MAD1L1: variants seen among roughly 807,000 people sequenced by gnomAD.
MAD1L1 encodes the protein mitotic arrest deficient 1 like 1.
MAD1L1 carries 95 observed loss-of-function variants against 96.9 expected under a neutral mutation model. That is an observed-to-expected ratio of 0.98 (90% CI 0.83 to 1.16). The LOEUF is 1.16. MAD1L1 is among the 50% of genes most tolerant of loss of function. MAD1L1 has a pLI of 0.00. For missense variants in MAD1L1, 1,007 were observed against 954.4 expected (o/e 1.06, Z -0.73); for synonymous variants, 473 against 396.6 (o/e 1.19, Z -2.29).
In MAD1L1 at chr7:2,029,438, T is replaced by C. The variant is rs1355961123; in HGVS notation, c.1219-14796A>G. On this transcript the variant is annotated intron_variant, in intron 12 of 18. Coordinates refer to ENST00000265854, the MANE Select transcript of MAD1L1 (RefSeq NM_001013836.2). ...AGCCGGCAGGTGAACTTGGGAGCCC[T>C]GGTGACACCGTGTTCCCGACCGTGG... 5.3e-5 allele frequency among the ~76,000 whole-genome samples: 8 copies of C among 152,292 alleles called. No individual in the cohort carries two copies. The East Asian group carries it at 1.5e-3, about 29-fold the overall frequency.
intron 11 of MAD1L1, among the ~76,000 whole-genome samples, chr7:2,098,055 A>G (rs1786585249): frequency 6.6e-6 from 1 of 152,170 alleles, no homozygotes; most frequent in Non-Finnish European, 1.5e-5. Context: ...GGAATCACTC[A>G]TGCGGCGGCT....
intron 17 of MAD1L1, among the ~76,000 whole-genome samples, chr7:1,934,941 C>T (rs68124157): frequency 0.038 from 5,666 of 148,658 alleles, 211 homozygotes; most frequent in African/African-American, 0.097. Flanking sequence ...GAACCCGAGA[C>T]GGGCAGAGAC....
chr7:2,221,274 GC>G (rs1311081737), intron 5 of MAD1L1, among the ~76,000 whole-genome samples: 1 of 152,116 alleles, frequency 6.6e-6, no homozygotes, highest in Non-Finnish European at 1.5e-5. Context: ...AGCGGGGACA[GC>G]CCCCGGCCCA....
chr7:2,140,052 G>C (rs946046875), intron 11 of MAD1L1, among the ~76,000 whole-genome samples: 2 of 150,090 alleles, frequency 1.3e-5, no homozygotes, highest in Non-Finnish European at 3.0e-5. Context: ...CAGGTGGCCA[G>C]GCTTCCAAAG....
At chr7:2,059,700 A>C (rs991744875) in intron 12 of MAD1L1, among the ~76,000 whole-genome samples, 4 of 151,848 alleles carry the variant, frequency 2.6e-5, no homozygotes, top group East Asian at 3.9e-4. Context: ...AAGCGTAGCC[A>C]GGGGAGAAGA....
At chr7:1,902,005 C>T (rs946981564) in intron 17 of MAD1L1, among the ~76,000 whole-genome samples, 4 of 152,172 alleles carry the variant, frequency 2.6e-5, no homozygotes, top group African/African-American at 4.8e-5. Context: ...CTCAAGGCCT[C>T]GGTGAGGGGC....
chr7:1,949,347 C>A (rs138341798), intron 16 of MAD1L1, among the ~76,000 whole-genome samples: 13 of 152,224 alleles, frequency 8.5e-5, no homozygotes, highest in Admixed American at 5.9e-4. Context: ...CCGGGGGGAC[C>A]CGCGCAGTGA....
At chr7:2,141,072 C>G (rs557344557) in intron 11 of MAD1L1, among the ~76,000 whole-genome samples, 1 of 152,364 alleles carries the variant, frequency 6.6e-6, no homozygotes, top group South Asian at 2.1e-4. Context: ...GGAGGCACCC[C>G]GGACAGACCC....
intron 13 of MAD1L1, among the ~76,000 whole-genome samples, chr7:2,011,911 G>A (rs1172098296): frequency 1.3e-5 from 2 of 152,200 alleles, no homozygotes; most frequent in East Asian, 3.9e-4. Flanking sequence ...GGCAGAGGAG[G>A]CTGTGAGGGC....
chr7:2,071,041 T>C (rs1785100983), intron 11 of MAD1L1, among the ~76,000 whole-genome samples: 1 of 151,782 alleles, frequency 6.6e-6, no homozygotes, highest in Non-Finnish European at 1.5e-5. Context: ...GGGAGGTGGT[T>C]TGGGGAAGGG....
chr7:2,023,228 TA>T (rs1782861561), intron 12 of MAD1L1, among the ~76,000 whole-genome samples: 1 of 152,180 alleles, frequency 6.6e-6, no homozygotes, highest in Admixed American at 6.5e-5. Context: ...AACAGCAGAA[TA>T]TATATTCCTC....
At chr7:2,174,937 G>A (rs1460191711) in intron 10 of MAD1L1, among the ~76,000 whole-genome samples, 2 of 152,196 alleles carry the variant, frequency 1.3e-5, no homozygotes, top group African/African-American at 4.8e-5. Context: ...ACGGCCACCT[G>A]TAAGTTTCAC....
chr7:2,013,084 C>A (rs1192563691), intron 13 of MAD1L1, among the ~76,000 whole-genome samples: 1 of 152,254 alleles, frequency 6.6e-6, no homozygotes, highest in Non-Finnish European at 1.5e-5. Context: ...TCTCCCCTAC[C>A]CAGCAGCTCG....
chr7:2,196,744 A>T (rs1017955970), intron 10 of MAD1L1, among the ~76,000 whole-genome samples: 2 of 152,250 alleles, frequency 1.3e-5, no homozygotes, highest in African/African-American at 4.8e-5. Flanking sequence ...CTTCAACACG[A>T]ACCCTCTTCA....
intron 18 of MAD1L1, chr7:1,829,450 ATGGGTGTACCTGGACG>A (rs1180414431): frequency 6.6e-5 from 10 of 152,290 alleles, no homozygotes; most frequent in Admixed American, 2.0e-4. Flanking sequence ...CGACGGCCAC[ATGGGTGTACCTGGACG>A]TGGGACCTTC....
At chr7:2,012,356 G>A (rs958754681) in intron 13 of MAD1L1, among the ~76,000 whole-genome samples, 9 of 152,218 alleles carry the variant, frequency 5.9e-5, no homozygotes, top group Non-Finnish European at 1.2e-4. Flanking sequence ...CGTGGAAAAC[G>A]CCAGGGACGG....
At chr7:1,837,561 C>T (rs1783000054) in intron 18 of MAD1L1, among the ~76,000 whole-genome samples, 1 of 152,258 alleles carries the variant, frequency 6.6e-6, no homozygotes, top group African/African-American at 2.4e-5. Context: ...CCGTCAACAT[C>T]TGGATGGATG....
intron 11 of MAD1L1, among the ~76,000 whole-genome samples, chr7:2,073,670 A>ATGTAGCGTGAAGCGTG (rs1487128044): frequency 2.6e-5 from 4 of 152,200 alleles, no homozygotes; most frequent in African/African-American, 9.7e-5. Flanking sequence ...TGGCTGCAGG[A>ATGTAGCGTGAAGCGTG]TGTAGCGTGA....
intron 12 of MAD1L1, among the ~76,000 whole-genome samples, chr7:2,062,893 C>T (rs1193878105): frequency 6.6e-6 from 1 of 152,230 alleles, no homozygotes; most frequent in Non-Finnish European, 1.5e-5. Flanking sequence ...AAGGAACACG[C>T]TGCATTCCCA....
Sources: gnomAD v4.1 joint callset for allele counts (sites outside exome capture counted in the v4.1 genomes callset) on GRCh38, gnomAD v4.1.1 for gene constraint, MANE v1.5 for transcripts, NCBI Gene and HGNC (gene_info 2026-07-23, HGNC 2026-07-21) for gene names.